Variants in UPK1A observed in about 807,000 individuals in gnomAD.
UPK1A encodes uroplakin 1A.
Under a neutral mutation model 32.3 loss-of-function variants are expected in UPK1A, and 31 were observed. That is an observed-to-expected ratio of 0.96 (90% CI 0.72 to 1.30). The LOEUF is 1.30. Ranked by LOEUF, UPK1A falls within the 50% of genes most tolerant of loss-of-function variation. The pLI, the probability that UPK1A is intolerant of heterozygous loss-of-function variation, is 0.00. For missense variants in UPK1A, 340 were observed against 357.4 expected (o/e 0.95, Z 0.39); for synonymous variants, 135 against 137.1 (o/e 0.98, Z 0.11).
chr19:35,673,209 C>T (rs980327866), intron 3 of UPK1A, 23 bp from the exon 4 acceptor site: 9 of 1,612,778 alleles, frequency 5.6e-6, no homozygotes, highest in Non-Finnish European at 7.6e-6. Flanking sequence ...GCCCGACGGG[C>T]CGTCCTCCCT....
chr19:35,676,776 G>A (rs1308377342), intron 6 of UPK1A, among the ~76,000 whole-genome samples: 4 of 151,878 alleles, frequency 2.6e-5, no homozygotes, highest in Non-Finnish European at 4.4e-5. Flanking sequence ...GCACGTGCCT[G>A]TAATCCCAGC....
intron 6 of UPK1A, 177 bp downstream of exon 6, chr19:35,676,196 T>TTTCTTTCTTTC: frequency 8.0e-6 from 3 of 375,084 alleles, no homozygotes; most frequent in African/African-American, 6.6e-5. Flanking sequence ...TCTTTCTTTC[T>TTTCTTTCTTTC]TTTTTTTTTT....
rs1460607365 is a variant in UPK1A, at chr19:35,672,465, AC to A, written c.286-765del. 6.6e-5 allele frequency among the ~76,000 whole-genome samples: 10 copies of A among 152,138 alleles called. 1 individual carries two copies. The highest frequency in any genetic ancestry group is 1.3e-4 in the Non-Finnish European group (9 of 68,028). On this transcript the variant is annotated intron_variant, in intron 3 of 7. Transcript: ENST00000617999. ...TTGCATTTTTAGTAGATGGGGTTTC[AC>A]CATATTGGTCAGGCTGGTCTTGAAC...
chr19:35,666,596 G>T, intron 1 of UPK1A, 58 bp downstream of exon 1: 1 of 564,030 alleles, frequency 1.8e-6, no homozygotes, highest in Admixed American at 3.1e-5. Flanking sequence ...GCTCAGGGAG[G>T]GGCAGTGCCA....
chr19:35,666,705 C>T (rs1423648114), intron 1 of UPK1A, 104 bp from the exon 2 acceptor site: 31 of 1,179,188 alleles, frequency 2.6e-5, no homozygotes, highest in South Asian at 2.7e-5. Context: ...GCCTGGGCCC[C>T]GCAGAGAGCT....
exon 8 of UPK1A, chr19:35,678,130 G>A (rs1968212428): frequency 6.0e-5 from 79 of 1,324,142 alleles, no homozygotes; most frequent in Non-Finnish European, 7.8e-5. Flanking sequence ...AACGTCCCTA[G>A]CCCTTACGTC....
chr19:35,677,815 T>C, exon 7 of UPK1A: 1 of 1,612,146 alleles, frequency 6.2e-7, no homozygotes, highest in Non-Finnish European at 8.5e-7. Flanking sequence ...TGCCCAGGGC[T>C]GCTTCGAACA....
intron 6 of UPK1A, among the ~76,000 whole-genome samples, chr19:35,676,547 A>C (rs1437388058): frequency 2.0e-5 from 3 of 151,960 alleles, no homozygotes; most frequent in Non-Finnish European, 4.4e-5. Flanking sequence ...GGATGCACCC[A>C]GGGTCTGTCT....
At chr19:35,669,845 A>T (rs1024141306) in intron 3 of UPK1A, among the ~76,000 whole-genome samples, 15 of 152,160 alleles carry the variant, frequency 9.9e-5, no homozygotes, top group Non-Finnish European at 2.9e-5. Context: ...CAGAGACAGC[A>T]CTGTGTTTCC....
chr19:35,666,834 G>A, exon 2 of UPK1A: 2 of 1,614,186 alleles, frequency 1.2e-6, no homozygotes, highest in Non-Finnish European at 1.7e-6. Context: ...GGCAGCAGCG[G>A]AGGCCGAGAA....
chr19:35,677,450 C>T (rs771036975), intron 6 of UPK1A, among the ~76,000 whole-genome samples: 11 of 150,830 alleles, frequency 7.3e-5, no homozygotes, highest in South Asian at 2.1e-4. Context: ...TGCTTGAACG[C>T]GGGAGGTAAA....
At position 35,666,920 on chromosome 19, in the gene UPK1A, A is replaced by T. The variant is rs1231967152; in HGVS notation, c.84+24A>T. On this transcript the variant is annotated intron_variant, in intron 2 of 7. Transcript: ENST00000617999. ...TGGTGAGACTCGCCCCAGTGCTGGG[A>T]GCCGAGTGGTTGTGTGGTGGGGAGG... is the stretch of plus-strand genomic sequence containing the variant. The T allele has an allele frequency of 4.3e-6, 7 of 1,612,434 alleles. 1 individual carries two copies. The South Asian group carries it at 7.7e-5, about 18-fold the overall frequency.
chr19:35,673,275 C>G, exon 4 of UPK1A: 3 of 1,614,078 alleles, frequency 1.9e-6, no homozygotes, highest in Non-Finnish European at 2.5e-6. Flanking sequence ...GAGTGCGCCT[C>G]CTGCATCACG....
intron 3 of UPK1A, among the ~76,000 whole-genome samples, chr19:35,670,705 CCTT>C: frequency 9.0e-6 from 1 of 111,672 alleles, no homozygotes; most frequent in African/African-American, 3.4e-5. Flanking sequence ...TCCCTCCCTT[CCTT>C]CCTTCCTTCC....
intron 3 of UPK1A, among the ~76,000 whole-genome samples, chr19:35,671,310 C>T (rs1968093698): frequency 6.9e-6 from 1 of 144,958 alleles, no homozygotes; most frequent in East Asian, 2.2e-4. Context: ...TGGCGTGAAC[C>T]CGGGAGGCGC....
chr19:35,672,871 A>G (rs1968123450), intron 3 of UPK1A, among the ~76,000 whole-genome samples: 1 of 150,656 alleles, frequency 6.6e-6, no homozygotes, highest in African/African-American at 2.4e-5. Flanking sequence ...TGAGCCACCA[A>G]TGCCCAGCCC....
At chr19:35,678,227 T>A (rs1419380609) in exon 8 of UPK1A, 1 of 520,952 alleles carries the variant, frequency 1.9e-6, no homozygotes, top group Non-Finnish European at 3.3e-6. Flanking sequence ...TGTGCACATA[T>A]CCTTAGCCCA....
At chr19:35,668,351 G>A in intron 2 of UPK1A, 103 bp from the exon 3 acceptor site, 2 of 1,377,720 alleles carry the variant, frequency 1.5e-6, no homozygotes, top group Non-Finnish European at 2.0e-6. Flanking sequence ...TTTACTGAGA[G>A]GGCAGTGGAG....
chr19:35,674,623 G>A (rs1968155037), intron 5 of UPK1A, among the ~76,000 whole-genome samples: 1 of 152,078 alleles, frequency 6.6e-6, no homozygotes, highest in Non-Finnish European at 1.5e-5. Context: ...ACCAAAGCAA[G>A]AGGTTGAATA....
Sources: allele counts gnomAD v4.1 joint callset (sites outside exome capture counted in the v4.1 genomes callset), GRCh38; gene constraint gnomAD v4.1.1; transcripts MANE v1.5; gene names NCBI Gene and HGNC (gene_info 2026-07-23, HGNC 2026-07-21).